Variants in STRC observed in about 807,000 individuals in gnomAD.
STRC encodes stereocilin.
In STRC, 43 loss-of-function variants were observed where a neutral mutation model predicts 103.5. The ratio of observed to expected loss-of-function variants is 0.42; its 90% CI spans 0.33 to 0.54. The LOEUF is 0.54. Among genes scored for constraint, STRC ranks in the 20% least tolerant of loss-of-function variants. The pLI, the probability that STRC is intolerant of heterozygous loss-of-function variation, is 0.14. For synonymous variants in STRC, 186 were observed against 442.3 expected, an observed-to-expected ratio of 0.42 and a Z score of 7.27; for missense variants, 499 against 1,088.5, an observed-to-expected ratio of 0.46 and a Z score of 7.62.
At chr15:43,605,538 C>T in intron 18 of STRC, 139 bp from the exon 19 acceptor site, 1 of 1,443,396 alleles carries the variant, frequency 6.9e-7, no homozygotes, top group Non-Finnish European at 9.4e-7. Flanking sequence ...TGATAGTAAA[C>T]AGCTCCAGGG....
In STRC at chr15:43,601,021, TG is replaced by T. The variant is rs1381131080; in HGVS notation, c.4702-8del. On this transcript the variant is annotated splice_polypyrimidine_tract_variant and splice_region_variant and intron_variant, in intron 24 of 28. Transcript: ENST00000450892. ...TGGAGACCACAATGCGGAGCTGGGG[TG>T]GGGGGTGGGAGAAGAGGGGAAGGAG... The T allele has an allele frequency of 1.7e-4, 104 of 624,108 alleles. No homozygotes were observed. Among genetic ancestry groups the T allele is most frequent in the East Asian group, 3.4e-4 (7 of 20,620 alleles). The allele number at this position is 624,108 out of a possible 1,614,324, so 38.7% of individuals were successfully genotyped here. A position where few individuals can be genotyped will look rare whatever the true frequency, so the allele number is the denominator to read the frequency against.
intron 23 of STRC, among the ~76,000 whole-genome samples, chr15:43,602,920 T>C (rs2447198): frequency 0.24 from 36,019 of 151,344 alleles, 7,362 homozygotes; most frequent in African/African-American, 0.55. Flanking sequence ...TCTGAGATTA[T>C]AGGCGTGAGC....
Position 43,600,554 on chromosome 15 carries a change from G to A in STRC, c.4973C>T (p.Thr1658Ile), listed in dbSNP as rs766425716. 6.2e-7 allele frequency: 1 copy of A among 1,613,402 alleles called. No individual in the cohort carries two copies. Among genetic ancestry groups the A allele is most frequent in the East Asian group, 2.2e-5 (1 of 44,864 alleles). The change falls in exon 26 of 29, where the codon ACT becomes ATT. Residue 1658 changes from threonine (T) to isoleucine (I), a missense_variant. Transcript: ENST00000450892. ...PISNWGPEIFTEIGTIAAGIP... is the reference protein window; with the variant it reads ...PISNWGPEIFIEIGTIAAGIP... ...CCCACCTGCTATGGTGCCAATTTCA[G>A]TGAAGATCTCAGGCCCCCAGTTACT... is the stretch of plus-strand genomic sequence containing the variant.
At chr15:43,606,619 C>T (rs2085712194) in intron 18 of STRC, among the ~76,000 whole-genome samples, 1 of 129,120 alleles carries the variant, frequency 7.7e-6, no homozygotes. Context: ...AATAAATAAA[C>T]AAATAAATAA....
intron 22 of STRC, 134 bp from the exon 23 acceptor site, chr15:43,603,545 C>T: frequency 2.0e-6 from 2 of 1,001,546 alleles, no homozygotes; most frequent in Non-Finnish European, 3.1e-6. Context: ...AGGAGTATTA[C>T]AGAGTAATAT....
chr15:43,604,422 A>C lies in STRC; in HGVS notation c.4157T>G (p.Val1386Gly). ...GAATACTAGGCGTCCAGCTTGCTCT[A>C]CTTCATCCTGGCTCCACAACTCTGG... The part of the protein sequence containing the change: ...GKPELWSQDE[V>G]EQAGRLVFTL... Residue 1386 changes from valine to glycine, a missense_variant, in exon 21 of 29, where the codon GTA becomes GGA. Val to Gly is a moderately radical substitution (Grantham distance 109, BLOSUM62 -3). Coordinates refer to ENST00000450892, the MANE Select transcript of STRC (RefSeq NM_153700.2). 1 of 1,584,910 alleles carries C rather than the reference A, an allele frequency of 6.3e-7. No individual in the cohort carries two copies. Among genetic ancestry groups the C allele is most frequent in the Non-Finnish European group, 8.6e-7 (1 of 1,162,410 alleles).
Position 43,600,965 on chromosome 15 carries a change from C to T in STRC, c.4751G>A (p.Ser1584Asn), listed in dbSNP as rs748801471. 8.7e-6 allele frequency: 14 copies of T among 1,604,754 alleles called. No homozygotes were observed. The highest frequency in any genetic ancestry group is 1.7e-4 in the Middle Eastern group (1 of 6,048). The change falls in exon 25 of 29, where the codon AGC (serine) becomes AAC (asparagine). Residue 1584 changes from serine (S) to asparagine (N), a missense_variant. Physicochemically the swap from Ser to Asn is conservative, Grantham distance 46 (BLOSUM62 1). Transcript: ENST00000450892. ...TGTCAGATGAACGAAGTCCAGGTGGCTCACATGCCGACCACTCTGCCGTAG... is the reference window on the plus strand; with the variant it reads ...TGTCAGATGAACGAAGTCCAGGTGGTTCACATGCCGACCACTCTGCCGTAG... ...SFLRQSGRHV[S>N]HLDFVHLTAL... is the part of the protein sequence containing the mutation.
chr15:43,609,588 G>C, intron 15 of STRC: 1 of 509,990 alleles, frequency 2.0e-6, no homozygotes, highest in Non-Finnish European at 3.5e-6. Flanking sequence ...AGTGGCTCAG[G>C]TCTGTAATCC....
At chr15:43,602,543 A>G (rs1300661608) in intron 23 of STRC, 2 of 152,402 alleles carry the variant, frequency 1.3e-5, no homozygotes, top group Admixed American at 1.3e-4. Context: ...CACTGTTCCC[A>G]TGCTCAGTTC....
intron 26 of STRC, 91 bp from the exon 27 acceptor site, chr15:43,600,384 C>T (rs1395959350): frequency 1.9e-5 from 21 of 1,112,390 alleles, no homozygotes; most frequent in Non-Finnish European, 1.3e-6. Flanking sequence ...CCCAAAGTGC[C>T]CTATCATAGA....
intron 22 of STRC, 103 bp from the exon 23 acceptor site, chr15:43,603,514 A>G: frequency 8.0e-7 from 1 of 1,254,698 alleles, no homozygotes; most frequent in Non-Finnish European, 1.2e-6. Flanking sequence ...AGGATAGAGC[A>G]CTGTGAGAAA....
At chr15:43,609,136 A>G (rs2085731222) in intron 16 of STRC, 140 bp downstream of exon 16, 3 of 735,730 alleles carry the variant, frequency 4.1e-6, no homozygotes, top group Non-Finnish European at 7.4e-6. Context: ...GGGAGGTGCT[A>G]GGAGAACGTC....
At chr15:43,603,102 C>G in intron 23 of STRC, 140 bp downstream of exon 23, 1 of 882,422 alleles carries the variant, frequency 1.1e-6, no homozygotes. Flanking sequence ...CCCTTCACCT[C>G]CTACTTGTGA....
intron 23 of STRC, among the ~76,000 whole-genome samples, chr15:43,601,918 G>C (rs1247852392): frequency 1.3e-5 from 2 of 151,542 alleles, no homozygotes; most frequent in African/African-American, 4.9e-5. Context: ...CCAGAAGTTC[G>C]AGACCATCCT....
intron 22 of STRC, 27 bp downstream of exon 22, chr15:43,603,969 G>A (rs761360681): frequency 6.2e-7 from 1 of 1,612,430 alleles, no homozygotes; most frequent in Non-Finnish European, 8.5e-7. Flanking sequence ...CATCCTGCTG[G>A]ACATATAAGT....
rs1419091296 is a variant in STRC at position 43,607,985 on chromosome 15, A to G, written c.3682-10T>C. 6.2e-7 allele frequency: 1 copy of G among 1,610,892 alleles called. No homozygotes were observed. The highest frequency in any genetic ancestry group is 8.5e-7 in the Non-Finnish European group (1 of 1,179,490). ...CCCAGATACAGGCCCTCTGTAGGGA[A>G]GCAGTGTGAGGCCAGAGCAGAACAT... On this transcript the variant is annotated splice_polypyrimidine_tract_variant and intron_variant, in intron 17 of 28. Transcript: ENST00000450892.
At position 43,611,966 on chromosome 15, in the gene STRC, CG is replaced by C; in HGVS notation, c.2974del (p.Arg992GlyfsTer149). 1 of 160,332 alleles carries C rather than the reference CG, an allele frequency of 6.2e-6. No individual in the cohort carries two copies. Among genetic ancestry groups the C allele is most frequent in the Non-Finnish European group, 1.0e-5 (1 of 98,148 alleles). The allele number at this position is 160,332 out of a possible 1,614,324, so 9.9% of individuals were successfully genotyped here. A position where few individuals can be genotyped will look rare whatever the true frequency, so the allele number is the denominator to read the frequency against. On this transcript the variant is annotated frameshift_variant, in exon 11 of 29. Coordinates refer to ENST00000450892, the MANE Select transcript of STRC (RefSeq NM_153700.2). LOFTEE classifies it high-confidence loss of function. The part of the protein sequence containing the change: ...RSSGGAVLSP[R>X]ELRVWAPLFS... ...GAGAGGGGCCCAGACCCGCAGCTCC[CG>C]GGGGCTCAGCACCGCTCCTCCAGAT... is the stretch of plus-strand genomic sequence containing the variant.
At chr15:43,602,519 T>C (rs1300805746) in intron 23 of STRC, 1 of 152,000 alleles carries the variant, frequency 6.6e-6, no homozygotes, top group Admixed American at 6.6e-5. Flanking sequence ...TGAAGCATGG[T>C]AATCTGGCAC....
chr15:43,601,279 A>G (rs1595957265), intron 24 of STRC, 117 bp downstream of exon 24: 3 of 1,471,008 alleles, frequency 2.0e-6, no homozygotes, highest in African/African-American at 2.8e-5. Context: ...AACAAAAGAT[A>G]GAAAGAAGGA....
Sources: allele counts gnomAD v4.1 joint callset (sites outside exome capture counted in the v4.1 genomes callset), GRCh38; gene constraint gnomAD v4.1.1; transcripts MANE v1.5; gene names NCBI Gene and HGNC (gene_info 2026-07-23, HGNC 2026-07-21).